PAX8: variants seen among roughly 807,000 people sequenced by gnomAD.
PAX8 encodes the protein paired box protein Pax-8.
In PAX8, 15 loss-of-function variants were observed where a neutral mutation model predicts 52.4. The ratio of observed to expected loss-of-function variants is 0.29; its 90% CI spans 0.19 to 0.44. The LOEUF (loss-of-function observed/expected upper bound fraction) is 0.44, where lower values mean the gene tolerates loss of function less well. Ranked by LOEUF, PAX8 falls within the 20% of genes least tolerant of loss-of-function variation. The pLI, the probability that PAX8 is intolerant of heterozygous loss-of-function variation, is 1.00. For missense variants in PAX8, 554 were observed against 602.5 expected (o/e 0.92, Z 0.84); for synonymous variants, 284 against 249.7 (o/e 1.14, Z -1.29).
Position 113,256,863 on chromosome 2 carries a change from T to C in PAX8, c.26-9944A>G, listed in dbSNP as rs374301977. Among the ~76,000 whole-genome samples, 332 of 152,234 alleles carry C rather than the reference T, an allele frequency of 2.2e-3. 1 individual carries two copies. The highest frequency in any genetic ancestry group is 3.6e-3 in the Admixed American group (55 of 15,300). On this transcript the variant is annotated intron_variant, in intron 2 of 11. Transcript: ENST00000429538. The stretch of plus-strand genomic sequence containing the variant: ...ACTTCTTTCTGTCTTTCCTTCTAAG[T>C]GTGCCAAGTGATCTAAATAACATGG...
At chr2:113,248,480 G>C (rs952605112) in intron 2 of PAX8, among the ~76,000 whole-genome samples, 1 of 152,250 alleles carries the variant, frequency 6.6e-6, no homozygotes, top group Admixed American at 6.5e-5. Context: ...AGGTGAGAAG[G>C]AAGAGCCAAC....
chr2:113,261,763 A>G (rs1268809441), intron 2 of PAX8, among the ~76,000 whole-genome samples: 1 of 151,936 alleles, frequency 6.6e-6, no homozygotes, highest in East Asian at 1.9e-4. Context: ...GAGTGGAGGA[A>G]GAAAGTGAGG....
At chr2:113,247,597 T>A (rs917862610) in intron 2 of PAX8, among the ~76,000 whole-genome samples, 1 of 152,172 alleles carries the variant, frequency 6.6e-6, no homozygotes, top group African/African-American at 2.4e-5. Flanking sequence ...GTTCCAGGAC[T>A]GACACAGGGG....
intron 1 of PAX8, 100 bp from the exon 2 acceptor site, chr2:113,278,569 G>T: frequency 1.9e-6 from 2 of 1,074,930 alleles, no homozygotes; most frequent in Non-Finnish European, 2.7e-6. Context: ...TGCATCGTCT[G>T]CCAGGAGTAG....
At chr2:113,261,912 C>T (rs1018050389) in intron 2 of PAX8, among the ~76,000 whole-genome samples, 4 of 151,880 alleles carry the variant, frequency 2.6e-5, no homozygotes, top group Non-Finnish European at 4.4e-5. Context: ...CTGCAACCTC[C>T]GCCCCACCCG....
At chr2:113,241,458 C>A (rs1454616532) in intron 7 of PAX8, 93 bp downstream of exon 7, 1 of 1,301,152 alleles carries the variant, frequency 7.7e-7, no homozygotes, top group East Asian at 2.5e-5. Flanking sequence ...GATGCAACTT[C>A]CAGCTGCTTT....
chr2:113,231,164 T>C (rs1365691227), intron 9 of PAX8, among the ~76,000 whole-genome samples: 1 of 152,198 alleles, frequency 6.6e-6, no homozygotes, highest in Non-Finnish European at 1.5e-5. Context: ...GCAAGGAGAA[T>C]TTATGGCAAC....
chr2:113,243,126 TGTCATCACCAGTGTTCCAGG>T (rs1444307357), intron 4 of PAX8, among the ~76,000 whole-genome samples: 8 of 152,342 alleles, frequency 5.3e-5, no homozygotes, highest in Admixed American at 5.2e-4. Context: ...CCTTAGTGCA[TGTCATCACCAGTGTTCCAGG>T]GTCACTCAGT....
At chr2:113,226,719 G>T in intron 10 of PAX8, 1 of 1,130,864 alleles carries the variant, frequency 8.8e-7, no homozygotes, top group East Asian at 4.8e-5. Flanking sequence ...AGATTTTACA[G>T]AACGGGTAAA....
chr2:113,235,627 G>A (rs945978286), intron 8 of PAX8, 45 bp from the exon 9 acceptor site: 2 of 1,509,110 alleles, frequency 1.3e-6, no homozygotes, highest in Non-Finnish European at 1.8e-6. Flanking sequence ...GTGTGAGATG[G>A]CGGGGAGGGA....
chr2:113,230,294 C>T (rs971068046), intron 9 of PAX8, among the ~76,000 whole-genome samples: 1 of 152,220 alleles, frequency 6.6e-6, no homozygotes, highest in African/African-American at 2.4e-5. Flanking sequence ...CATCCTGTTC[C>T]TTCTCGTTCT....
At chr2:113,265,865 T>C (rs1339855252) in intron 2 of PAX8, 1 of 152,196 alleles carries the variant, frequency 6.6e-6, no homozygotes, top group Non-Finnish European at 1.5e-5. Context: ...GAGCCTTGTG[T>C]GGCCAGAGGA....
intron 2 of PAX8, chr2:113,250,758 A>T (rs1037619635): frequency 1.3e-5 from 2 of 152,262 alleles, no homozygotes; most frequent in Non-Finnish European, 2.9e-5. Context: ...AGTGCCTATC[A>T]TGACTCAGGT....
intron 2 of PAX8, among the ~76,000 whole-genome samples, chr2:113,255,142 AAGGAAAG>A (rs1368279572): frequency 6.9e-6 from 1 of 145,982 alleles, no homozygotes; most frequent in South Asian, 2.2e-4. Context: ...GGAAGGAAGG[AAGGAAAG>A]AAGGAAGGAA....
chr2:113,235,501 G>A lies in PAX8; in HGVS notation c.980C>T (p.Ser327Phe). The A allele has an allele frequency of 6.2e-7, 1 of 1,613,948 alleles. No homozygotes were observed. The highest frequency in any genetic ancestry group is 1.1e-5 in the South Asian group (1 of 91,068). Residue 327 changes from serine (S) to phenylalanine (F), a missense_variant, in exon 9 of 12, where the codon TCC becomes TTC. By Grantham distance (155) the Ser-to-Phe change is radical. Coordinates refer to ENST00000429538, the MANE Select transcript of PAX8 (RefSeq NM_003466.4). ...GACTTGCTGCAGATCCAAAAAGGCG[G>A]AGCTAGATAAAGAGGAAGGGGTGGA... ...SSSTPSSLSS[S>F]AFLDLQQVGS...
At chr2:113,229,270 T>C (rs1337882749) in intron 9 of PAX8, among the ~76,000 whole-genome samples, 1 of 152,088 alleles carries the variant, frequency 6.6e-6, no homozygotes, top group Non-Finnish European at 1.5e-5. Flanking sequence ...AGTTTCTTCA[T>C]ATGCAAAATG....
intron 7 of PAX8, chr2:113,237,139 A>G (rs1295547729): frequency 6.1e-6 from 1 of 164,254 alleles, no homozygotes; most frequent in East Asian, 1.7e-4. Context: ...CCCAGGCACA[A>G]AGGTTTAAGA....
At chr2:113,235,268 G>T in intron 9 of PAX8, 126 bp downstream of exon 9, 1 of 784,672 alleles carries the variant, frequency 1.3e-6, no homozygotes, top group Non-Finnish European at 2.0e-6. Context: ...AAAGTTGCCG[G>T]AGGAATTAGG....
chr2:113,270,356 T>TCC (rs1298019601), intron 2 of PAX8: 2 of 152,132 alleles, frequency 1.3e-5, no homozygotes, highest in Non-Finnish European at 2.9e-5. Flanking sequence ...CCCTGCAGCA[T>TCC]CCCCATATTT....
Sources: gnomAD v4.1 joint callset for allele counts (sites outside exome capture counted in the v4.1 genomes callset) on GRCh38, gnomAD v4.1.1 for gene constraint, MANE v1.5 for transcripts, NCBI Gene and HGNC (gene_info 2026-07-23, HGNC 2026-07-21) for gene names.